RBFOX1: variants seen among roughly 807,000 people sequenced by gnomAD.
RBFOX1 encodes the protein RNA binding protein fox-1 homolog 1.
A neutral mutation model predicts 57.7 loss-of-function variants in RBFOX1; 8 were observed. The observed-to-expected ratio is 0.14, with a 90% confidence interval of 0.08 to 0.25. The LOEUF (loss-of-function observed/expected upper bound fraction) is 0.25, where lower values mean the gene tolerates loss of function less well. RBFOX1 is among the 10% of genes least tolerant of loss of function. RBFOX1 has a pLI of 1.00. For missense variants in RBFOX1, 611 were observed against 548.5 expected (o/e 1.11, Z -1.14); for synonymous variants, 326 against 222.4 (o/e 1.47, Z -4.15).
chr16:7,220,223 C>T (rs2092618368), intron 4 of RBFOX1, among the ~76,000 whole-genome samples: 1 of 152,132 alleles, frequency 6.6e-6, no homozygotes, highest in South Asian at 2.1e-4. Flanking sequence ...TGCTCTGAAG[C>T]AAGTAAGAGA....
At chr16:6,716,185 CCTTT>C (rs1337267672) in intron 3 of RBFOX1, among the ~76,000 whole-genome samples, 2 of 152,132 alleles carry the variant, frequency 1.3e-5, no homozygotes, top group Admixed American at 6.5e-5. Context: ...GGTTATAATA[CCTTT>C]CTAATAATGT....
chr16:6,405,753 C>G lies in RBFOX1; in HGVS notation c.-64+88696C>G, dbSNP rs182255961. Among the ~76,000 whole-genome samples, 16 of 152,270 alleles carry G rather than the reference C, an allele frequency of 1.1e-4. No homozygotes were observed. In the East Asian group the frequency reaches 3.1e-3, roughly 29 times the overall value. On this transcript the variant is annotated intron_variant, in intron 2 of 15. Transcript: ENST00000550418. ...ACAGCTGGAGTCATTGATTTGGGAA[C>G]TAGCCACTTTACACATGGGCTATTT...
Position 5,598,829 on chromosome 16 carries a change from T to C in RBFOX1, c.259-73T>C, listed in dbSNP as rs976419423. 1.8e-4 allele frequency: 209 copies of C among 1,156,414 alleles called. 1 individual carries two copies. In the African/African-American group the frequency reaches 2.9e-3, roughly 16 times the overall value. 71.6% of individuals were successfully genotyped at this position (1,156,414 alleles called of 1,614,324 possible). ...CATTCTGGGTTGTGCTAAACTGGGT[T>C]ACTCAAGGTTAGAATTTTTTTCCTC... On this transcript the variant is annotated intron_variant, in intron 2 of 2. Coordinates refer to the RBFOX1 transcript ENST00000585867.
intron 1 of RBFOX1, among the ~76,000 whole-genome samples, chr16:5,336,205 C>A (rs1187832521): frequency 2.0e-5 from 3 of 152,126 alleles, no homozygotes; most frequent in Non-Finnish European, 2.9e-5. Context: ...GCCAGGTCTG[C>A]TGCTCTCTGT....
intron 3 of RBFOX1, among the ~76,000 whole-genome samples, chr16:5,668,580 C>G (rs918146662): frequency 6.6e-6 from 1 of 152,186 alleles, no homozygotes; most frequent in African/African-American, 2.4e-5. Context: ...TCAGATTAAA[C>G]TGCAGCCTGG....
chr16:5,856,664 G>A (rs1337499837), intron 3 of RBFOX1, among the ~76,000 whole-genome samples: 3 of 144,896 alleles, frequency 2.1e-5, no homozygotes, highest in African/African-American at 7.7e-5. Context: ...GCTTCACCTT[G>A]CATTTTTATG....
At chr16:5,927,570 G>A (rs960696644) in intron 4 of RBFOX1, among the ~76,000 whole-genome samples, 18 of 152,158 alleles carry the variant, frequency 1.2e-4, no homozygotes, top group Non-Finnish European at 1.9e-4. Flanking sequence ...TAGAACTACC[G>A]TATGATCCAG....
rs544855740 is a variant in RBFOX1 at position 6,443,875 on chromosome 16, C to T, written c.-64+126818C>T. ...CCATCCATCCATCCATCCATCCCTCCATCCATGCACTCATTCAATTAACAT... is the reference window on the plus strand; with the variant it reads ...CCATCCATCCATCCATCCATCCCTCTATCCATGCACTCATTCAATTAACAT... On this transcript the variant is annotated intron_variant, in intron 2 of 15. Coordinates refer to ENST00000550418, the MANE Select transcript of RBFOX1 (RefSeq NM_018723.4). Among the ~76,000 whole-genome samples, 30 of 152,166 alleles carry T rather than the reference C, an allele frequency of 2.0e-4. 1 individual carries two copies. Among genetic ancestry groups the T allele is most frequent in the African/African-American group, 6.0e-4 (25 of 41,480 alleles).
Position 6,058,728 on chromosome 16 carries a change from TC to T in RBFOX1, c.-127+38738del. ...ATTCACCCACCCATCCACCCACCCATCCACCAATCCATCCACCTATCCATTC... is the reference window on the plus strand; with the variant it reads ...ATTCACCCACCCATCCACCCACCCATCACCAATCCATCCACCTATCCATTC... On this transcript the variant is annotated intron_variant, in intron 1 of 15. Transcript: ENST00000550418. 2.1e-5 allele frequency among the ~76,000 whole-genome samples: 3 copies of T among 142,220 alleles called. 1 individual carries two copies. In the South Asian group the frequency reaches 7.4e-4, roughly 35 times the overall value. The allele number at this position is 142,220 out of a possible 152,430, so 93.3% of individuals were successfully genotyped here. A position where few individuals can be genotyped will look rare whatever the true frequency, so the allele number is the denominator to read the frequency against.
chr16:7,128,140 A>T (rs1464003312), intron 4 of RBFOX1, among the ~76,000 whole-genome samples: 1 of 152,156 alleles, frequency 6.6e-6, no homozygotes, highest in Non-Finnish European at 1.5e-5. Flanking sequence ...GTGAAAAGCA[A>T]ATGTCTCCTT....
At chr16:7,662,776 C>A (rs1356281410) in intron 12 of RBFOX1, among the ~76,000 whole-genome samples, 1 of 152,222 alleles carries the variant, frequency 6.6e-6, no homozygotes, top group Non-Finnish European at 1.5e-5. Context: ...CATGATGCCA[C>A]CCATCCCTTT....
intron 2 of RBFOX1, among the ~76,000 whole-genome samples, chr16:6,357,826 C>T (rs1038760110): frequency 2.0e-5 from 3 of 151,990 alleles, no homozygotes; most frequent in African/African-American, 7.2e-5. Flanking sequence ...TGGTGGGTGC[C>T]TGCAGTCCCA....
intron 3 of RBFOX1, among the ~76,000 whole-genome samples, chr16:6,767,055 C>A (rs1252710147): frequency 6.6e-6 from 1 of 152,114 alleles, no homozygotes; most frequent in African/African-American, 2.4e-5. Flanking sequence ...TCATTGTTTT[C>A]ATCTATTCAG....
intron 1 of RBFOX1, among the ~76,000 whole-genome samples, chr16:5,371,603 G>A (rs918376629): frequency 3.3e-5 from 5 of 152,190 alleles, no homozygotes; most frequent in African/African-American, 4.8e-5. Flanking sequence ...CTGAATCCTC[G>A]TCTAGGAGGT....
rs12921846 is a variant in RBFOX1, at chr16:6,860,384, A to G, written c.-15-191673A>G. 5.8e-3 allele frequency among the ~76,000 whole-genome samples: 884 copies of G among 152,106 alleles called. 14 individuals are homozygous for G. Among genetic ancestry groups the G allele is most frequent in the African/African-American group, 0.02 (816 of 41,476 alleles). On this transcript the variant is annotated intron_variant, in intron 3 of 15. Transcript: ENST00000550418. ...ATCTTGGAAAGCATTTGTTATTTCA[A>G]ACTCTTCAAATCTGCAAGTCTTACA...
At chr16:6,855,794 A>G (rs2057752240) in intron 3 of RBFOX1, among the ~76,000 whole-genome samples, 1 of 138,258 alleles carries the variant, frequency 7.2e-6, no homozygotes, top group Admixed American at 7.0e-5. Context: ...GATTTGAGTG[A>G]TAAATTTCCT....
intron 2 of RBFOX1, among the ~76,000 whole-genome samples, chr16:5,484,304 G>A (rs2069649941): frequency 6.6e-6 from 1 of 152,204 alleles, no homozygotes. Context: ...GCTGTCATTT[G>A]GAGATACTAG....
At chr16:7,702,687 C>T (rs17144628) in intron 14 of RBFOX1, among the ~76,000 whole-genome samples, 4,183 of 152,224 alleles carry the variant, frequency 0.027, 184 homozygotes, top group African/African-American at 0.089. Flanking sequence ...TTTCCAGCCC[C>T]TGAGAATTGC....
At chr16:6,391,917 G>A (rs528050312) in intron 2 of RBFOX1, among the ~76,000 whole-genome samples, 31 of 152,198 alleles carry the variant, frequency 2.0e-4, no homozygotes, top group Non-Finnish European at 3.8e-4. Flanking sequence ...CGGCAGCGCT[G>A]AGGAGAGAGT....
Sources: allele counts gnomAD v4.1 joint callset (sites outside exome capture counted in the v4.1 genomes callset), GRCh38; gene constraint gnomAD v4.1.1; transcripts MANE v1.5; gene names NCBI Gene and HGNC (gene_info 2026-07-23, HGNC 2026-07-21).